Variants in WWOX observed in about 807,000 individuals in gnomAD.
WWOX encodes the protein WW domain containing oxidoreductase, also known as WW domain-containing oxidoreductase.
In WWOX, 69 loss-of-function variants were observed where a neutral mutation model predicts 46.2. That is an observed-to-expected ratio of 1.49 (90% CI 1.23 to 1.82). WWOX has a LOEUF of 1.82. Ranked by LOEUF, WWOX falls within the 40% of genes most tolerant of loss-of-function variation. The pLI is 0.00. For synonymous variants in WWOX, 359 were observed against 202.6 expected (o/e 1.77, Z -6.56); for missense variants, 919 against 542.6 (o/e 1.69, Z -6.89).
At chr16:78,360,314 A>G (rs1321302813) in intron 5 of WWOX, among the ~76,000 whole-genome samples, 1 of 152,150 alleles carries the variant, frequency 6.6e-6, no homozygotes, top group African/African-American at 2.4e-5. Context: ...GGCTGGGCAC[A>G]GTGGCTCATG....
intron 8 of WWOX, among the ~76,000 whole-genome samples, chr16:79,176,767 T>C (rs535226535): frequency 6.6e-6 from 1 of 152,176 alleles, no homozygotes; most frequent in Admixed American, 6.5e-5. Context: ...TCTCATAATA[T>C]AGAGTCATAG....
intron 5 of WWOX, among the ~76,000 whole-genome samples, chr16:78,365,955 G>A (rs886554340): frequency 1.3e-5 from 2 of 152,158 alleles, no homozygotes; most frequent in African/African-American, 4.8e-5. Flanking sequence ...GAAGTATTAT[G>A]CCCATGTGCC....
At chr16:78,822,739 T>C (rs780774300) in intron 8 of WWOX, among the ~76,000 whole-genome samples, 11 of 152,310 alleles carry the variant, frequency 7.2e-5, no homozygotes, top group Non-Finnish European at 1.5e-4. Flanking sequence ...ACGCTTAGCA[T>C]ATTTAGGTTG....
At chr16:78,774,314 T>C (rs375826316) in intron 8 of WWOX, among the ~76,000 whole-genome samples, 188 of 152,122 alleles carry the variant, frequency 1.2e-3, no homozygotes, top group African/African-American at 4.4e-3. Context: ...AAAAGGAGAA[T>C]CGCTTGAATC....
intron 8 of WWOX, among the ~76,000 whole-genome samples, chr16:78,937,448 C>G (rs1359987506): frequency 2.4e-5 from 2 of 81,994 alleles, no homozygotes; most frequent in African/African-American, 1.0e-4. Flanking sequence ...TTTGTATTAA[C>G]TTTTTTTTTT....
At chr16:78,964,179 G>A (rs1437058876) in intron 8 of WWOX, among the ~76,000 whole-genome samples, 6 of 152,364 alleles carry the variant, frequency 3.9e-5, no homozygotes, top group Admixed American at 1.3e-4. Flanking sequence ...AAATGTGGAA[G>A]TGACTTTGGA....
At chr16:79,210,754 T>A (rs75237830) in intron 8 of WWOX, among the ~76,000 whole-genome samples, 1 of 151,948 alleles carries the variant, frequency 6.6e-6, no homozygotes, top group Non-Finnish European at 1.5e-5. Context: ...GCCCTCTTTA[T>A]AGCATCCCTG....
intron 4 of WWOX, among the ~76,000 whole-genome samples, chr16:78,151,417 A>C (rs150492218): frequency 2.2e-4 from 33 of 152,192 alleles, no homozygotes; most frequent in African/African-American, 7.0e-4. Flanking sequence ...TTTCTCTTAC[A>C]TGAAATGACA....
chr16:78,790,127 AT>A (rs1246721810), intron 8 of WWOX, among the ~76,000 whole-genome samples: 1 of 152,024 alleles, frequency 6.6e-6, no homozygotes, highest in South Asian at 2.1e-4. Context: ...CAGGATTATT[AT>A]TTTTTTTAAA....
intron 8 of WWOX, among the ~76,000 whole-genome samples, chr16:79,164,424 C>T (rs540563102): frequency 6.6e-6 from 1 of 152,296 alleles, no homozygotes; most frequent in African/African-American, 2.4e-5. Context: ...TTGTGCCCGC[C>T]TCTCTGACTT....
At chr16:79,162,227 C>T (rs371291829) in intron 8 of WWOX, among the ~76,000 whole-genome samples, 3 of 152,174 alleles carry the variant, frequency 2.0e-5, no homozygotes, top group African/African-American at 7.2e-5. Flanking sequence ...ATGTATCATT[C>T]GTTCAGCCAT....
chr16:78,616,220 T>G (rs549437944), intron 8 of WWOX, among the ~76,000 whole-genome samples: 10 of 95,124 alleles, frequency 1.1e-4, no homozygotes, highest in South Asian at 3.5e-4. Flanking sequence ...ACTTTTGTGG[T>G]TTTTTTTTTA....
At chr16:78,336,866 G>A (rs534014121) in intron 5 of WWOX, among the ~76,000 whole-genome samples, 16 of 151,930 alleles carry the variant, frequency 1.1e-4, no homozygotes, top group African/African-American at 3.6e-4. Context: ...AATCTCCTCC[G>A]CCTCCCAGTT....
chr16:78,825,111 G>C lies in WWOX; in HGVS notation c.1057-386497G>C, dbSNP rs144229082. ...TTCATAAATGAGGATGCCGGCACTC[G>C]GGGAGGTCAAGTGAGTTTCATAAGG... On this transcript the variant is annotated intron_variant, in intron 8 of 8. Coordinates refer to ENST00000566780, the MANE Select transcript of WWOX (RefSeq NM_016373.4). Among the ~76,000 whole-genome samples the C allele has an allele frequency of 2.8e-3, 433 of 152,156 alleles. 3 individuals are homozygous for C. Among genetic ancestry groups the C allele is most frequent in the African/African-American group, 9.7e-3 (403 of 41,506 alleles).
chr16:78,727,524 A>G (rs140661547), intron 8 of WWOX, among the ~76,000 whole-genome samples: 24 of 152,276 alleles, frequency 1.6e-4, no homozygotes, highest in African/African-American at 5.8e-4. Flanking sequence ...GAAAGCAGAG[A>G]TGAGAAAGAA....
At chr16:78,100,081 G>T (rs1217160635) in intron 1 of WWOX, 196 bp downstream of exon 1, 2 of 1,386,292 alleles carry the variant, frequency 1.4e-6, no homozygotes, top group South Asian at 3.4e-5. Flanking sequence ...GGGTCCAGCG[G>T]GGGTCACCTG....
chr16:78,574,914 C>A (rs937201240), intron 8 of WWOX, among the ~76,000 whole-genome samples: 1 of 142,124 alleles, frequency 7.0e-6, no homozygotes, highest in Non-Finnish European at 1.5e-5. Flanking sequence ...TTAATTAATT[C>A]GATTGTGATA....
chr16:78,363,933 T>TC (rs1240467820), intron 5 of WWOX, among the ~76,000 whole-genome samples: 1 of 152,166 alleles, frequency 6.6e-6, no homozygotes, highest in African/African-American at 2.4e-5. Context: ...TTGTGATGCT[T>TC]CCGGAAGAAT....
intron 8 of WWOX, among the ~76,000 whole-genome samples, chr16:79,200,071 A>C (rs534538466): frequency 2.6e-5 from 4 of 152,320 alleles, no homozygotes; most frequent in African/African-American, 9.6e-5. Context: ...GAGCCCTGCC[A>C]GCCTTCAGGA....
Sources: allele counts gnomAD v4.1 joint callset (sites outside exome capture counted in the v4.1 genomes callset), GRCh38; gene constraint gnomAD v4.1.1; transcripts MANE v1.5; gene names NCBI Gene and HGNC (gene_info 2026-07-23, HGNC 2026-07-21).